The following LSAMP variants were observed in gnomAD, a reference collection of about 807,000 sequenced individuals.
LSAMP encodes the protein limbic system-associated membrane protein.
A neutral mutation model predicts 38.6 loss-of-function variants in LSAMP; 7 were observed. The ratio of observed to expected loss-of-function variants is 0.18; its 90% confidence interval spans 0.10 to 0.34. LSAMP has a LOEUF of 0.34. Among genes scored for constraint, LSAMP ranks in the 10% least tolerant of loss-of-function variants. LSAMP has a pLI of 1.00. For missense variants in LSAMP, 313 were observed against 420.0 expected, an observed-to-expected ratio of 0.75 and a Z score of 2.23; for synonymous variants, 154 against 166.8, an observed-to-expected ratio of 0.92 and a Z score of 0.59.
chr3:116,236,788 A>G (rs2046470117), intron 1 of LSAMP, among the ~76,000 whole-genome samples: 1 of 152,106 alleles, frequency 6.6e-6, no homozygotes, highest in Non-Finnish European at 1.5e-5. Flanking sequence ...ACCACAATGT[A>G]TGAATTCAAG....
At chr3:115,818,790 T>TTATATATATATATATAATATATATA (rs1934119764) in intron 6 of LSAMP, among the ~76,000 whole-genome samples, 1 of 69,786 alleles carries the variant, frequency 1.4e-5, no homozygotes, top group African/African-American at 4.4e-5. Flanking sequence ...AGTTGTACTT[T>TTATATATATATATATAATATATATA]TATATATATA....
chr3:116,019,497 A>C lies in LSAMP; in HGVS notation c.514+18T>G, dbSNP rs756984144. On this transcript the variant is annotated intron_variant, in intron 3 of 6. Transcript: ENST00000490035. ...TTTAAACAGCATGTGGCATATTGGA[A>C]CCTGGAGTATTGCTTACCAGTTGGT... 6.2e-7 allele frequency: 1 copy of C among 1,609,876 alleles called. No homozygotes were observed. The highest frequency in any genetic ancestry group is 1.1e-5 in the South Asian group (1 of 90,790).
At chr3:116,359,647 A>T (rs78652971) in intron 1 of LSAMP, among the ~76,000 whole-genome samples, 3,968 of 152,270 alleles carry the variant, frequency 0.026, 164 homozygotes, top group African/African-American at 0.087. Flanking sequence ...AGCATGTGCC[A>T]TGGTGGTAAA....
chr3:116,235,839 C>T (rs2107633044), intron 1 of LSAMP, among the ~76,000 whole-genome samples: 1 of 152,084 alleles, frequency 6.6e-6, no homozygotes, highest in East Asian at 1.9e-4. Flanking sequence ...AGAATAAATC[C>T]CACTGCATAT....
At chr3:116,245,465 A>C (rs960977504) in intron 1 of LSAMP, among the ~76,000 whole-genome samples, 4 of 152,200 alleles carry the variant, frequency 2.6e-5, no homozygotes, top group African/African-American at 9.7e-5. Context: ...ATTCTTAGAC[A>C]GGAATACAAA....
chr3:115,969,187 A>G (rs4831215), intron 3 of LSAMP, among the ~76,000 whole-genome samples: 66,020 of 151,824 alleles, frequency 0.43, 15,101 homozygotes, highest in African/African-American at 0.59. Flanking sequence ...AGGTGCTTTC[A>G]TGTGTGGATA....
chr3:115,818,788 T>TC (rs1559834667), intron 6 of LSAMP, among the ~76,000 whole-genome samples: 1 of 24,988 alleles, frequency 4.0e-5, no homozygotes. Flanking sequence ...AAAGTTGTAC[T>TC]TTTATATATA....
chr3:116,380,827 T>C (rs573032166), intron 1 of LSAMP, among the ~76,000 whole-genome samples: 1 of 152,200 alleles, frequency 6.6e-6, no homozygotes, highest in Admixed American at 6.5e-5. Context: ...CTTTGGTTTT[T>C]TTGTTTGTTT....
chr3:115,908,711 C>G (rs978355471), intron 3 of LSAMP, among the ~76,000 whole-genome samples: 2 of 152,132 alleles, frequency 1.3e-5, no homozygotes, highest in Non-Finnish European at 2.9e-5. Context: ...ATCCATTATA[C>G]CTCTAGTGCA....
chr3:115,997,162 A>G (rs886680818), intron 3 of LSAMP, among the ~76,000 whole-genome samples: 1 of 152,184 alleles, frequency 6.6e-6, no homozygotes, highest in Non-Finnish European at 1.5e-5. Flanking sequence ...AGAATGCTAC[A>G]TTTAAATAAT....
chr3:115,922,570 G>A (rs1412818047), intron 3 of LSAMP, among the ~76,000 whole-genome samples: 9 of 151,876 alleles, frequency 5.9e-5, no homozygotes, highest in Non-Finnish European at 1.2e-4. Context: ...AATTTCTGAA[G>A]ATTTATATTG....
intron 1 of LSAMP, among the ~76,000 whole-genome samples, chr3:116,285,313 C>CCTAT (rs1488092931): frequency 6.6e-6 from 1 of 152,086 alleles, no homozygotes; most frequent in African/African-American, 2.4e-5. Context: ...GTGATCGAGA[C>CCTAT]CTATCTTCAG....
chr3:116,039,219 T>A (rs541033028), intron 2 of LSAMP, among the ~76,000 whole-genome samples: 1 of 152,310 alleles, frequency 6.6e-6, no homozygotes, highest in South Asian at 2.1e-4. Context: ...CATAAGCAAA[T>A]CTACATTTGT....
chr3:115,994,800 G>A (rs1939770111), intron 3 of LSAMP, among the ~76,000 whole-genome samples: 1 of 152,082 alleles, frequency 6.6e-6, no homozygotes, highest in African/African-American at 2.4e-5. Flanking sequence ...AGAAACTATA[G>A]TCAAGTTTAG....
intron 1 of LSAMP, among the ~76,000 whole-genome samples, chr3:116,404,433 C>T (rs1397747610): frequency 6.6e-6 from 1 of 152,114 alleles, no homozygotes; most frequent in Non-Finnish European, 1.5e-5. Context: ...TAAGGCACTT[C>T]CTAGTTCCTT....
At chr3:115,852,367 C>T (rs1378435695) in intron 4 of LSAMP, 116 bp downstream of exon 4, 6 of 1,257,768 alleles carry the variant, frequency 4.8e-6, no homozygotes, top group Admixed American at 5.2e-5. Flanking sequence ...GCATTCCTGG[C>T]CAGAGGAGCA....
At chr3:116,043,813 C>T (rs1369653237) in intron 2 of LSAMP, among the ~76,000 whole-genome samples, 1 of 152,140 alleles carries the variant, frequency 6.6e-6, no homozygotes, top group Admixed American at 6.5e-5. Flanking sequence ...GGCATGGTGG[C>T]AGGCGCCTTG....
At chr3:116,108,737 A>G (rs77451420) in intron 1 of LSAMP, among the ~76,000 whole-genome samples, 21 of 152,292 alleles carry the variant, frequency 1.4e-4, no homozygotes, top group African/African-American at 3.8e-4. Flanking sequence ...CCTGGGCTGC[A>G]GGCATTCCTT....
At chr3:116,096,434 G>T (rs748137441) in intron 1 of LSAMP, among the ~76,000 whole-genome samples, 3 of 152,204 alleles carry the variant, frequency 2.0e-5, no homozygotes, top group African/African-American at 4.8e-5. Flanking sequence ...GGCTTGAGCT[G>T]TCTTGCATCT....
Sources: allele counts gnomAD v4.1 joint callset (sites outside exome capture counted in the v4.1 genomes callset), GRCh38; gene constraint gnomAD v4.1.1; transcripts MANE v1.5; gene names NCBI Gene and HGNC (gene_info 2026-07-23, HGNC 2026-07-21).